Variants in FAM167B observed in about 807,000 individuals in gnomAD.
FAM167B encodes the protein protein FAM167B.
FAM167B carries 7 observed loss-of-function variants against 15.4 expected under a neutral mutation model. The ratio of observed to expected loss-of-function variants is 0.46; its 90% CI spans 0.26 to 0.86. The LOEUF is 0.86. FAM167B is among the 40% of genes least tolerant of loss of function. FAM167B has a pLI of 0.17. For synonymous variants in FAM167B, 100 were observed against 94.6 expected (o/e 1.06, Z -0.33); for missense variants, 207 against 208.3 (o/e 0.99, Z 0.04).
In FAM167B at chr1:32,248,803, G is replaced by A; in HGVS notation, c.*202G>A. The A allele has an allele frequency of 1.7e-6, 1 of 600,814 alleles. No individual in the cohort carries two copies. Among genetic ancestry groups the A allele is most frequent in the Non-Finnish European group, 2.9e-6 (1 of 341,226 alleles). The allele number at this position is 600,814 out of a possible 1,614,324, so 37.2% of individuals were successfully genotyped here. A position where few individuals can be genotyped will look rare whatever the true frequency, so the allele number is the denominator to read the frequency against. On this transcript the variant is annotated 3_prime_UTR_variant, in exon 2 of 2. Coordinates refer to ENST00000373582, the MANE Select transcript of FAM167B (RefSeq NM_032648.3). ...TCTGCTGACCCAGCTGGGAGGGGGA[G>A]GAGGAGGAGCTCACACCCTCAAACT...
At chr1:32,248,228 TGGGAGATA>T (rs1156694055) in intron 1 of FAM167B, 135 bp from the exon 2 acceptor site, 11 of 676,994 alleles carry the variant, frequency 1.6e-5, no homozygotes, top group Non-Finnish European at 2.4e-6. Flanking sequence ...GAAGCCAGAT[TGGGAGATA>T]GGGAGAGATC....
Position 32,248,756 on chromosome 1 carries a change from A to G in FAM167B, c.*155A>G. ...TCTGAGAGCTGAATTCCAAGAGTGC[A>G]AAACCCCAGCATCCTGTTTCCTCTG... is the stretch of plus-strand genomic sequence containing the variant. On this transcript the variant is annotated 3_prime_UTR_variant, in exon 2 of 2. Transcript: ENST00000373582. 1 of 699,646 alleles carries G rather than the reference A, an allele frequency of 1.4e-6. No homozygotes were observed. The highest frequency in any genetic ancestry group is 2.8e-5 in the East Asian group (1 of 36,278). The allele number at this position is 699,646 out of a possible 1,614,324, so 43.3% of individuals were successfully genotyped here.
Position 32,247,319 on chromosome 1 carries a change from T to C in FAM167B, c.-103T>C. On this transcript the variant is annotated 5_prime_UTR_variant, in exon 1 of 2. Coordinates refer to ENST00000373582, the MANE Select transcript of FAM167B (RefSeq NM_032648.3). Reference sequence around the variant, plus strand: ...GACCACCACACACTCCCTGGCACGCTCTTCTCACCCTCAACTTCTGCCACC... The same window carrying C: ...GACCACCACACACTCCCTGGCACGCCCTTCTCACCCTCAACTTCTGCCACC... 1 of 1,424,868 alleles carries C rather than the reference T, an allele frequency of 7.0e-7. No individual in the cohort carries two copies. 88.3% of individuals were successfully genotyped at this position (1,424,868 alleles called of 1,614,324 possible).
intron 1 of FAM167B, 128 bp from the exon 2 acceptor site, chr1:32,248,243 G>A: frequency 4.1e-6 from 3 of 740,684 alleles, no homozygotes; most frequent in Non-Finnish European, 6.4e-6. Context: ...GATAGGGAGA[G>A]ATCAAGCTGA....
Position 32,248,558 on chromosome 1 carries a change from TCA to T in FAM167B, c.451_452del (p.Thr151AlafsTer58), listed in dbSNP as rs11576044. On this transcript the variant is annotated frameshift_variant, in exon 2 of 2. Transcript: ENST00000373582. LOFTEE classifies it high-confidence loss of function. ...GCCCCGCTGCTGCGGCACCTGGGCC[TCA>T]CGCGCATGAACATCAGCGCCCGGCG... is the stretch of plus-strand genomic sequence containing the variant. 36 of 1,550,816 alleles carry T rather than the reference TCA, an allele frequency of 2.3e-5. No individual in the cohort carries two copies. The highest frequency in any genetic ancestry group is 3.0e-5 in the Non-Finnish European group (35 of 1,149,762).
In FAM167B at chr1:32,247,530, C is replaced by A; in HGVS notation, c.109C>A (p.Gln37Lys). The change falls in exon 1 of 2, where the codon CAG (glutamine) becomes AAG (lysine). Residue 37 changes from glutamine (Q) to lysine (K), a missense_variant. Transcript: ENST00000373582. ...GGCACTGACAGCCAAGCTGCAGCTGCAGACTCGGCGGCCCTCATATCTGGA... is the reference window on the plus strand; with the variant it reads ...GGCACTGACAGCCAAGCTGCAGCTGAAGACTCGGCGGCCCTCATATCTGGA... ...VKALTAKLQL[Q>K]TRRPSYLEWT... 1 of 1,608,178 alleles carries A rather than the reference C, an allele frequency of 6.2e-7. No homozygotes were observed. Among genetic ancestry groups the A allele is most frequent in the Non-Finnish European group, 8.5e-7 (1 of 1,177,134 alleles).
In FAM167B at chr1:32,248,662, TG is replaced by T. The variant is rs959405224; in HGVS notation, c.*64del. ...CCCAATGCCGCTTCCCCTGCCTGCC[TG>T]GGAAGAGGAAAGGGAGGGGTGCCCC... On this transcript the variant is annotated 3_prime_UTR_variant, in exon 2 of 2. Transcript: ENST00000373582. 6.2e-5 allele frequency: 86 copies of T among 1,398,062 alleles called. No individual in the cohort carries two copies. The African/African-American group carries it at 1.0e-3, about 17-fold the overall frequency. The allele number at this position is 1,398,062 out of a possible 1,614,324, so 86.6% of individuals were successfully genotyped here. A position where few individuals can be genotyped will look rare whatever the true frequency, so the allele number is the denominator to read the frequency against.
At chr1:32,248,267 TG>T in intron 1 of FAM167B, 103 bp from the exon 2 acceptor site, 2 of 915,616 alleles carry the variant, frequency 2.2e-6, no homozygotes, top group Non-Finnish European at 3.2e-6. Context: ...GAGAGGGGGC[TG>T]GGGAGGACAC....
chr1:32,248,819 C>T lies in FAM167B; in HGVS notation c.*218C>T. The T allele has an allele frequency of 1.7e-6, 1 of 586,850 alleles. No homozygotes were observed. Among genetic ancestry groups the T allele is most frequent in the Non-Finnish European group, 3.0e-6 (1 of 331,556 alleles). 36.4% of individuals were successfully genotyped at this position (586,850 alleles called of 1,614,324 possible). ...GGAGGGGGAGGAGGAGGAGCTCACA[C>T]CCTCAAACTCCTCAATAAACGCTTT... On this transcript the variant is annotated 3_prime_UTR_variant, in exon 2 of 2. Transcript: ENST00000373582.
chr1:32,248,416 C>A lies in FAM167B; in HGVS notation c.307C>A (p.Arg103=), dbSNP rs1463861088. The part of the protein sequence containing the change: ...QDRQLAGQLL[R]LRAQLHRLKM... ...CAGGCAGCTGGCAGGGCAGCTGCTG[C>A]GGCTGCGGGCCCAGCTGCACCGACT... Residue 103 remains arginine (R), a synonymous_variant, in exon 2 of 2, where the codon CGG becomes AGG. Transcript: ENST00000373582. The A allele has an allele frequency of 1.9e-6, 3 of 1,598,806 alleles. No individual in the cohort carries two copies. The highest frequency in any genetic ancestry group is 8.5e-7 in the Non-Finnish European group (1 of 1,176,500).
rs1341435156 is a variant in FAM167B at position 32,248,680 on chromosome 1, G to A, written c.*79G>A. On this transcript the variant is annotated 3_prime_UTR_variant, in exon 2 of 2. Coordinates refer to ENST00000373582, the MANE Select transcript of FAM167B (RefSeq NM_032648.3). The stretch of plus-strand genomic sequence containing the variant: ...GCCTGCCTGGGAAGAGGAAAGGGAG[G>A]GGTGCCCCAGAGGCACCAGCTCCTG... 7.7e-7 allele frequency: 1 copy of A among 1,299,724 alleles called. No homozygotes were observed. Among genetic ancestry groups the A allele is most frequent in the Non-Finnish European group, 1.0e-6 (1 of 969,378 alleles). 80.5% of individuals were successfully genotyped at this position (1,299,724 alleles called of 1,614,324 possible).
In FAM167B at chr1:32,248,424, G is replaced by A; in HGVS notation, c.315G>A (p.Arg105=). 6.2e-7 allele frequency: 1 copy of A among 1,602,236 alleles called. No individual in the cohort carries two copies. The highest frequency in any genetic ancestry group is 8.5e-7 in the Non-Finnish European group (1 of 1,177,542). The change falls in exon 2 of 2, where the codon CGG becomes CGA. Residue 105 remains arginine (R), a synonymous_variant. Transcript: ENST00000373582. ...TGGCAGGGCAGCTGCTGCGGCTGCG[G>A]GCCCAGCTGCACCGACTGAAGATGG... ...RQLAGQLLRL[R]AQLHRLKMDQ... is the part of the protein sequence containing the mutation.
chr1:32,248,808 A>G lies in FAM167B; in HGVS notation c.*207A>G. On this transcript the variant is annotated 3_prime_UTR_variant, in exon 2 of 2. Transcript: ENST00000373582. ...TGACCCAGCTGGGAGGGGGAGGAGG[A>G]GGAGCTCACACCCTCAAACTCCTCA... The G allele has an allele frequency of 1.7e-6, 1 of 597,056 alleles. No homozygotes were observed. The highest frequency in any genetic ancestry group is 3.0e-5 in the Admixed American group (1 of 33,064). 37.0% of individuals were successfully genotyped at this position (597,056 alleles called of 1,614,324 possible). A position where few individuals can be genotyped will look rare whatever the true frequency, so the allele number is the denominator to read the frequency against.
Position 32,248,712 on chromosome 1 carries a change from G to T in FAM167B, c.*111G>T. Reference sequence around the variant, plus strand: ...CCAGAGGCACCAGCTCCTGGCGGGGGAGGAGGAACATTCAGGTTTCTGAGA... The same window carrying T: ...CCAGAGGCACCAGCTCCTGGCGGGGTAGGAGGAACATTCAGGTTTCTGAGA... On this transcript the variant is annotated 3_prime_UTR_variant, in exon 2 of 2. Transcript: ENST00000373582. The T allele has an allele frequency of 3.1e-6, 3 of 960,220 alleles. No individual in the cohort carries two copies. Among genetic ancestry groups the T allele is most frequent in the Non-Finnish European group, 4.5e-6 (3 of 665,620 alleles). 59.5% of individuals were successfully genotyped at this position (960,220 alleles called of 1,614,324 possible).
chr1:32,248,025 G>A (rs1386319661), intron 1 of FAM167B, among the ~76,000 whole-genome samples: 1 of 152,210 alleles, frequency 6.6e-6, no homozygotes, highest in Non-Finnish European at 1.5e-5. Context: ...AAGTGCAAAA[G>A]GAGGCACTGG....
At position 32,248,780 on chromosome 1, in the gene FAM167B, T is replaced by C; in HGVS notation, c.*179T>C. 1 of 626,858 alleles carries C rather than the reference T, an allele frequency of 1.6e-6. No homozygotes were observed. The highest frequency in any genetic ancestry group is 2.7e-6 in the Non-Finnish European group (1 of 364,926). 38.8% of individuals were successfully genotyped at this position (626,858 alleles called of 1,614,324 possible). ...CAAAACCCCAGCATCCTGTTTCCTC[T>C]GCTGACCCAGCTGGGAGGGGGAGGA... is the stretch of plus-strand genomic sequence containing the variant. On this transcript the variant is annotated 3_prime_UTR_variant, in exon 2 of 2. Transcript: ENST00000373582.
chr1:32,247,324 T>A lies in FAM167B; in HGVS notation c.-98T>A. On this transcript the variant is annotated 5_prime_UTR_variant, in exon 1 of 2. Transcript: ENST00000373582. ...CCACACACTCCCTGGCACGCTCTTCTCACCCTCAACTTCTGCCACCTCTCC... is the reference window on the plus strand; with the variant it reads ...CCACACACTCCCTGGCACGCTCTTCACACCCTCAACTTCTGCCACCTCTCC... The A allele has an allele frequency of 7.0e-7, 1 of 1,437,532 alleles. No individual in the cohort carries two copies. Among genetic ancestry groups the A allele is most frequent in the South Asian group, 1.6e-5 (1 of 62,998 alleles). 89.0% of individuals were successfully genotyped at this position (1,437,532 alleles called of 1,614,324 possible). A position where few individuals can be genotyped will look rare whatever the true frequency, so the allele number is the denominator to read the frequency against.
At chr1:32,247,751 C>A in intron 1 of FAM167B, 69 bp downstream of exon 1, 1 of 1,390,700 alleles carries the variant, frequency 7.2e-7, no homozygotes, top group Non-Finnish European at 9.5e-7. Context: ...TCCAAGACCA[C>A]AGGCATGGGG....
At position 32,247,594 on chromosome 1, in the gene FAM167B, C is replaced by A; in HGVS notation, c.173C>A (p.Ala58Asp). 1.9e-6 allele frequency: 3 copies of A among 1,564,264 alleles called. No homozygotes were observed. The highest frequency in any genetic ancestry group is 2.6e-6 in the Non-Finnish European group (3 of 1,153,528). Residue 58 changes from alanine to aspartate, a missense_variant, in exon 1 of 2, where the codon GCC becomes GAC. By Grantham distance (126) the Ala-to-Asp change is moderately radical. Coordinates refer to ENST00000373582, the MANE Select transcript of FAM167B (RefSeq NM_032648.3). Reference sequence around the variant, plus strand: ...GTCCAGAGCCAGGCCTGGCGCAGGGCCCAAGCCAAACCTGGACCAGGGGGA... The same window carrying A: ...GTCCAGAGCCAGGCCTGGCGCAGGGACCAAGCCAAACCTGGACCAGGGGGA... ...AQVQSQAWRR[A>D]QAKPGPGGPG...
Sources: allele counts gnomAD v4.1 joint callset (sites outside exome capture counted in the v4.1 genomes callset), GRCh38; gene constraint gnomAD v4.1.1; transcripts MANE v1.5; gene names NCBI Gene and HGNC (gene_info 2026-07-23, HGNC 2026-07-21).